The following ZFR variants were observed in gnomAD, a reference collection of about 807,000 sequenced individuals.
ZFR encodes zinc finger RNA binding protein.
In ZFR, 19 loss-of-function variants were observed where a neutral mutation model predicts 130.7. The ratio of observed to expected loss-of-function variants is 0.15; its 90% confidence interval spans 0.10 to 0.21. ZFR has a LOEUF of 0.21. ZFR is among the 10% of genes least tolerant of loss of function. The pLI is 1.00. For missense variants in ZFR, 872 were observed against 1,321.5 expected, an observed-to-expected ratio of 0.66 and a Z score of 5.27; for synonymous variants, 466 against 456.9, an observed-to-expected ratio of 1.02 and a Z score of -0.25.
chr5:32,364,350 A>G, intron 17 of ZFR, 75 bp from the exon 18 acceptor site: 2 of 1,250,534 alleles, frequency 1.6e-6, no homozygotes, highest in Middle Eastern at 2.0e-4. Context: ...AATTTTAAAG[A>G]CTGAAAAAAT....
Position 32,400,216 on chromosome 5 carries a change from C to T in ZFR, c.1517-13G>A. On this transcript the variant is annotated splice_polypyrimidine_tract_variant and intron_variant, in intron 8 of 19. Transcript: ENST00000265069. ...AGCTTATTACCACCTAGAAAAGTATCAAAAAGTTAAAAAAAATTTTATTTT... is the reference window on the plus strand; with the variant it reads ...AGCTTATTACCACCTAGAAAAGTATTAAAAAGTTAAAAAAAATTTTATTTT... 1 of 1,545,978 alleles carries T rather than the reference C, an allele frequency of 6.5e-7. No individual in the cohort carries two copies. The highest frequency in any genetic ancestry group is 8.7e-7 in the Non-Finnish European group (1 of 1,151,632).
At chr5:32,424,944 G>T (rs1422782294) in intron 2 of ZFR, among the ~76,000 whole-genome samples, 1 of 152,020 alleles carries the variant, frequency 6.6e-6, no homozygotes, top group Non-Finnish European at 1.5e-5. Context: ...AGAGTTTCAA[G>T]AATTTTTAAA....
chr5:32,432,281 C>G (rs1754242667), intron 2 of ZFR, among the ~76,000 whole-genome samples: 1 of 152,120 alleles, frequency 6.6e-6, no homozygotes, highest in South Asian at 2.1e-4. Flanking sequence ...TTAGAGAACA[C>G]AGTCCATATA....
intron 2 of ZFR, among the ~76,000 whole-genome samples, chr5:32,439,053 C>T (rs1487591193): frequency 6.6e-6 from 1 of 152,186 alleles, no homozygotes; most frequent in African/African-American, 2.4e-5. Context: ...GATACCTATT[C>T]TATACAGGGA....
intron 17 of ZFR, among the ~76,000 whole-genome samples, chr5:32,371,267 G>C (rs1275262263): frequency 1.3e-5 from 2 of 152,214 alleles, no homozygotes; most frequent in Non-Finnish European, 2.9e-5. Context: ...GCACTAGGAA[G>C]GTTCAGGCAG....
chr5:32,408,458 G>C (rs1177981917), intron 5 of ZFR, among the ~76,000 whole-genome samples: 1 of 151,850 alleles, frequency 6.6e-6, no homozygotes, highest in Non-Finnish European at 1.5e-5. Flanking sequence ...CTATATAGAA[G>C]AACTGAAGTC....
At chr5:32,370,089 ATTTT>A (rs933446377) in intron 17 of ZFR, among the ~76,000 whole-genome samples, 4 of 121,940 alleles carry the variant, frequency 3.3e-5, no homozygotes, top group African/African-American at 6.3e-5. Context: ...ACAGTGGCAG[ATTTT>A]TTTTTTTTTT....
chr5:32,386,423 C>T (rs896950452), intron 14 of ZFR, among the ~76,000 whole-genome samples: 7 of 152,012 alleles, frequency 4.6e-5, no homozygotes, highest in Middle Eastern at 3.4e-3. Flanking sequence ...AAGAGTATTC[C>T]ACTTTTAGCT....
Position 32,400,065 on chromosome 5 carries a change from G to C in ZFR, c.1655C>G (p.Ala552Gly), listed in dbSNP as rs1015087984. ...QDTVSEPVTP[A>G]SLAALQSDVQ... is the part of the protein sequence containing the mutation. Reference sequence around the variant, plus strand: ...ATCACTCTGTAAAGCAGCAAGAGATGCAGGTGTGACTGGTTCTGACACTGT... The same window carrying C: ...ATCACTCTGTAAAGCAGCAAGAGATCCAGGTGTGACTGGTTCTGACACTGT... The change falls in exon 9 of 20, where the codon GCA becomes GGA. Residue 552 changes from alanine (A) to glycine (G), a missense_variant. Transcript: ENST00000265069. The C allele has an allele frequency of 8.7e-6, 14 of 1,613,470 alleles. No individual in the cohort carries two copies. Among genetic ancestry groups the C allele is most frequent in the Non-Finnish European group, 1.0e-5 (12 of 1,179,620 alleles).
chr5:32,400,210 A>G lies in ZFR; in HGVS notation c.1517-7T>C, dbSNP rs1244065278. ...GACTGCAGCTTATTACCACCTAGAA[A>G]AGTATCAAAAAGTTAAAAAAAATTT... On this transcript the variant is annotated splice_region_variant and splice_polypyrimidine_tract_variant and intron_variant, in intron 8 of 19. Transcript: ENST00000265069. 4 of 1,554,742 alleles carry G rather than the reference A, an allele frequency of 2.6e-6. No individual in the cohort carries two copies. Among genetic ancestry groups the G allele is most frequent in the Middle Eastern group, 1.8e-4 (1 of 5,696 alleles).
intron 11 of ZFR, 133 bp downstream of exon 11, chr5:32,395,026 G>C (rs948663025): frequency 1.8e-4 from 221 of 1,260,406 alleles, no homozygotes; most frequent in Non-Finnish European, 1.8e-4. Context: ...CTAGACCTAG[G>C]ATCTTCCTCA....
At chr5:32,424,007 T>C (rs1203068262) in intron 2 of ZFR, among the ~76,000 whole-genome samples, 1 of 152,194 alleles carries the variant, frequency 6.6e-6, no homozygotes, top group Non-Finnish European at 1.5e-5. Context: ...CTTAGGAAGC[T>C]ACATGAAGAT....
chr5:32,426,149 T>C (rs1036477334), intron 2 of ZFR, among the ~76,000 whole-genome samples: 1 of 152,190 alleles, frequency 6.6e-6, no homozygotes, highest in Admixed American at 6.5e-5. Flanking sequence ...AAACCCAAGA[T>C]ATGAAATCAC....
intron 17 of ZFR, among the ~76,000 whole-genome samples, chr5:32,368,199 A>G (rs571793316): frequency 6.6e-6 from 1 of 151,724 alleles, no homozygotes; most frequent in African/African-American, 2.4e-5. Flanking sequence ...AAACCAGTAA[A>G]ATCTTCCTTT....
chr5:32,386,966 A>T (rs1414435621), intron 14 of ZFR, among the ~76,000 whole-genome samples: 2 of 152,070 alleles, frequency 1.3e-5, no homozygotes, highest in African/African-American at 4.8e-5. Context: ...ATTTAAGCTT[A>T]AAAAAAGTTT....
rs746933283 is a variant in ZFR, at chr5:32,387,559, T to A, written c.2489A>T (p.Lys830Ile). ...LLSRIAENLP[K>I]QLAVISPEKY... ...TTCCATAATACTTACAGCAAGCTGT[T>A]TGGGTAGGTTTTCTGCAATACGGCT... Residue 830 changes from lysine (K) to isoleucine (I), a missense_variant, in exon 14 of 20, where the codon AAA (lysine) becomes ATA (isoleucine). Physicochemically the swap from Lys to Ile is moderately radical, Grantham distance 102. Around this residue, in one of 7 missense-constraint regions of ZFR, gnomAD observed 225 missense variants for 282.4 expected, o/e 0.80. Transcript: ENST00000265069. 6.2e-7 allele frequency: 1 copy of A among 1,612,488 alleles called. No individual in the cohort carries two copies. Among genetic ancestry groups the A allele is most frequent in the Non-Finnish European group, 8.5e-7 (1 of 1,179,244 alleles).
intron 17 of ZFR, among the ~76,000 whole-genome samples, chr5:32,373,014 GACT>G (rs1420653135): frequency 1.3e-5 from 2 of 152,150 alleles, no homozygotes; most frequent in African/African-American, 4.8e-5. Context: ...GCAAATAGCA[GACT>G]ACATTTTTCG....
At position 32,354,350 on chromosome 5, in the gene ZFR, T is replaced by A. The variant is rs370980500; in HGVS notation, c.*1410A>T. On this transcript the variant is annotated 3_prime_UTR_variant, in exon 20 of 20. Coordinates refer to ENST00000265069, the MANE Select transcript of ZFR (RefSeq NM_016107.5). ...AGGAATAACAAGATGCAGTACTCAATAAATTTGAATATGATTTTACTGAAG... is the reference window on the plus strand; with the variant it reads ...AGGAATAACAAGATGCAGTACTCAAAAAATTTGAATATGATTTTACTGAAG... 2.6e-5 allele frequency: 4 copies of A among 152,550 alleles called. No individual in the cohort carries two copies. The highest frequency in any genetic ancestry group is 4.4e-5 in the Non-Finnish European group (3 of 68,030). The allele number at this position is 152,550 out of a possible 1,614,324, so 9.4% of individuals were successfully genotyped here.
At chr5:32,402,347 T>A (rs1041376717) in intron 8 of ZFR, among the ~76,000 whole-genome samples, 3 of 152,094 alleles carry the variant, frequency 2.0e-5, no homozygotes, top group Non-Finnish European at 4.4e-5. Context: ...GTCAATAGGA[T>A]GAAACTGAAA....
Sources: gnomAD v4.1 joint callset for allele counts (sites outside exome capture counted in the v4.1 genomes callset) on GRCh38, gnomAD v4.1.1 for gene constraint, gnomAD v4.1.1 regional missense constraint, MANE v1.5 for transcripts, NCBI Gene and HGNC (gene_info 2026-07-23, HGNC 2026-07-21) for gene names.